TNR: variants seen among roughly 807,000 people sequenced by gnomAD.
The protein encoded by TNR is tenascin R, also known as tenascin-R.
Under a neutral mutation model 150.4 loss-of-function variants are expected in TNR, and 45 were observed. The ratio of observed to expected loss-of-function variants is 0.30; its 90% CI spans 0.24 to 0.38. The LOEUF (loss-of-function observed/expected upper bound fraction) is 0.38. Ranked by LOEUF, TNR falls within the 10% of genes least tolerant of loss-of-function variation. The probability of loss-of-function intolerance (pLI) is 1.00; values close to 1 mark genes in which losing one functional copy is unlikely to be tolerated. For missense variants in TNR, 1,544 were observed against 1,759.1 expected (o/e 0.88, Z 2.19); for synonymous variants, 687 against 678.4 (o/e 1.01, Z -0.20).
chr1:175,332,566 C>T (rs545703026), intron 20 of TNR, among the ~76,000 whole-genome samples: 1 of 152,306 alleles, frequency 6.6e-6, no homozygotes, highest in African/African-American at 2.4e-5. Flanking sequence ...CCCTGTCTCC[C>T]TCTTACCTAC....
intron 1 of TNR, among the ~76,000 whole-genome samples, chr1:175,575,663 T>A (rs527509341): frequency 2.6e-5 from 4 of 152,202 alleles, no homozygotes; most frequent in African/African-American, 9.6e-5. Context: ...AGGTTTGGAC[T>A]TGAGATGGGC....
intron 1 of TNR, among the ~76,000 whole-genome samples, chr1:175,733,364 C>T (rs1423315923): frequency 6.6e-6 from 1 of 152,124 alleles, no homozygotes; most frequent in Non-Finnish European, 1.5e-5. Flanking sequence ...GGTCTCTGCA[C>T]TTCTCACTGT....
chr1:175,502,719 A>G (rs1474904877), intron 2 of TNR, among the ~76,000 whole-genome samples: 1 of 152,222 alleles, frequency 6.6e-6, no homozygotes, highest in East Asian at 1.9e-4. Flanking sequence ...ATAAAGATGC[A>G]GTGGCGAGGG....
intron 2 of TNR, among the ~76,000 whole-genome samples, chr1:175,493,605 G>A (rs1048757372): frequency 2.6e-5 from 4 of 152,224 alleles, no homozygotes; most frequent in African/African-American, 9.6e-5. Flanking sequence ...GCCCCCTTCC[G>A]GACCCTTCCA....
At chr1:175,671,546 T>C (rs939101166) in intron 1 of TNR, among the ~76,000 whole-genome samples, 1 of 152,184 alleles carries the variant, frequency 6.6e-6, no homozygotes, top group African/African-American at 2.4e-5. Flanking sequence ...CAGTGACAGG[T>C]GGCAAGGGCA....
intron 2 of TNR, among the ~76,000 whole-genome samples, chr1:175,492,960 C>T (rs1366022237): frequency 1.3e-5 from 2 of 152,084 alleles, no homozygotes; most frequent in African/African-American, 4.8e-5. Context: ...TGGTGGGGTG[C>T]AGGCATGAAC....
intron 1 of TNR, among the ~76,000 whole-genome samples, chr1:175,555,681 A>G (rs10798400): frequency 0.51 from 77,595 of 152,058 alleles, 20,217 homozygotes; most frequent in East Asian, 0.68. Flanking sequence ...AAGCTCTTGT[A>G]CCCATTTTCT....
At chr1:175,652,798 C>T (rs904206386) in intron 1 of TNR, among the ~76,000 whole-genome samples, 6 of 152,102 alleles carry the variant, frequency 3.9e-5, no homozygotes, top group Non-Finnish European at 7.4e-5. Context: ...CATAAATTAC[C>T]CAGTCTCAGG....
Position 175,425,364 on chromosome 1 carries a change from G to C in TNR, c.-63-18587C>G, listed in dbSNP as rs139447222. Among the ~76,000 whole-genome samples the C allele has an allele frequency of 4.6e-3, 704 of 152,250 alleles. 1 individual carries two copies. Among genetic ancestry groups the C allele is most frequent in the Non-Finnish European group, 8.0e-3 (545 of 68,020 alleles). ...ATAATGGCATTGATCTCACAGGGTG[G>C]TTTTAAGCACTTAATATATAATAGA... On this transcript the variant is annotated intron_variant, in intron 2 of 22. Coordinates refer to ENST00000367674, the MANE Select transcript of TNR (RefSeq NM_003285.3).
At chr1:175,565,546 CCT>C (rs1265984992) in intron 1 of TNR, among the ~76,000 whole-genome samples, 2 of 152,136 alleles carry the variant, frequency 1.3e-5, no homozygotes, top group Admixed American at 6.5e-5. Context: ...CCCAGGATCC[CCT>C]GAGTGAGGGT....
intron 1 of TNR, among the ~76,000 whole-genome samples, chr1:175,669,063 T>A (rs1665614536): frequency 6.6e-6 from 1 of 152,182 alleles, no homozygotes; most frequent in Non-Finnish European, 1.5e-5. Flanking sequence ...CCAGAGGCCC[T>A]CCTCCTTTGT....
At chr1:175,476,810 G>A (rs16848492) in intron 2 of TNR, among the ~76,000 whole-genome samples, 9,454 of 152,166 alleles carry the variant, frequency 0.062, 616 homozygotes, top group African/African-American at 0.16. Context: ...GTGACCCTTC[G>A]GGAATTTGAA....
intron 2 of TNR, among the ~76,000 whole-genome samples, chr1:175,505,552 A>G (rs1164142259): frequency 6.6e-6 from 1 of 152,138 alleles, no homozygotes; most frequent in Non-Finnish European, 1.5e-5. Context: ...TCCCTTCAAG[A>G]CATTACCCAC....
intron 2 of TNR, among the ~76,000 whole-genome samples, chr1:175,439,217 G>A (rs1413161219): frequency 1.3e-5 from 2 of 151,588 alleles, no homozygotes; most frequent in East Asian, 3.9e-4. Flanking sequence ...CAGAAATAAT[G>A]CCGCATATCT....
intron 2 of TNR, among the ~76,000 whole-genome samples, chr1:175,486,946 C>A (rs182915765): frequency 2.6e-5 from 4 of 152,284 alleles, no homozygotes; most frequent in African/African-American, 9.6e-5. Context: ...TGTTCATATC[C>A]TTTGCCCACT....
chr1:175,608,521 C>A (rs1663485055), intron 1 of TNR, among the ~76,000 whole-genome samples: 1 of 152,106 alleles, frequency 6.6e-6, no homozygotes, highest in Non-Finnish European at 1.5e-5. Context: ...AGATATAAGG[C>A]AAAAGGCTGG....
chr1:175,535,456 G>T (rs887338430), intron 1 of TNR, among the ~76,000 whole-genome samples: 3 of 149,228 alleles, frequency 2.0e-5, no homozygotes, highest in African/African-American at 7.6e-5. Context: ...TTTTGTTGTT[G>T]TTGTTGTTGT....
chr1:175,597,498 T>G (rs1663055330), intron 1 of TNR, among the ~76,000 whole-genome samples: 1 of 152,246 alleles, frequency 6.6e-6, no homozygotes, highest in Non-Finnish European at 1.5e-5. Flanking sequence ...AATGCATGAA[T>G]GCTAGTTTAG....
chr1:175,558,542 T>G (rs1661284788), intron 1 of TNR, among the ~76,000 whole-genome samples: 1 of 152,194 alleles, frequency 6.6e-6, no homozygotes, highest in African/African-American at 2.4e-5. Context: ...CTCAAAGTCA[T>G]ATTCTGAACT....
Sources: gnomAD v4.1 joint callset for allele counts (sites outside exome capture counted in the v4.1 genomes callset) on GRCh38, gnomAD v4.1.1 for gene constraint, MANE v1.5 for transcripts, NCBI Gene and HGNC (gene_info 2026-07-23, HGNC 2026-07-21) for gene names.